The following SDK1 variants were observed in gnomAD, a reference collection of about 807,000 sequenced individuals.
SDK1 encodes sidekick cell adhesion molecule 1, also known as protein sidekick-1.
A neutral mutation model predicts 245.5 loss-of-function variants in SDK1; 157 were observed. That is an observed-to-expected ratio of 0.64 (90% CI 0.56 to 0.73). SDK1 has a LOEUF of 0.73. Among genes scored for constraint, SDK1 ranks in the 30% least tolerant of loss-of-function variants. The pLI is 0.00. For synonymous variants in SDK1, 1,647 were observed against 1,278.5 expected (o/e 1.29, Z -6.15); for missense variants, 3,583 against 3,002.3 (o/e 1.19, Z -4.52).
At chr7:3,872,050 C>A (rs1780969249) in intron 5 of SDK1, among the ~76,000 whole-genome samples, 1 of 141,070 alleles carries the variant, frequency 7.1e-6, no homozygotes, top group African/African-American at 2.9e-5. Context: ...TTGAGATGAT[C>A]ATTTGTTTTG....
intron 32 of SDK1, among the ~76,000 whole-genome samples, chr7:4,167,563 A>C (rs955852603): frequency 3.9e-5 from 6 of 152,198 alleles, no homozygotes; most frequent in African/African-American, 1.4e-4. Context: ...ACAGATGGCC[A>C]AGCCAGGGTG....
At position 4,213,510 on chromosome 7, in the gene SDK1, G is replaced by A. The variant is rs1356124973; in HGVS notation, c.5539+3348G>A. Among the ~76,000 whole-genome samples, 11 of 152,048 alleles carry A rather than the reference G, an allele frequency of 7.2e-5. No homozygotes were observed. The South Asian group carries it at 1.2e-3, about 17-fold the overall frequency. On this transcript the variant is annotated intron_variant, in intron 38 of 44. Coordinates refer to ENST00000404826, the MANE Select transcript of SDK1 (RefSeq NM_152744.4). ...TGAGGCAGGAGAATGGGTTGAACCCGGGAGGTGGAGGCTGCAGTGAGCTGA... is the reference window on the plus strand; with the variant it reads ...TGAGGCAGGAGAATGGGTTGAACCCAGGAGGTGGAGGCTGCAGTGAGCTGA...
At chr7:3,393,583 A>T (rs948413094) in intron 1 of SDK1, among the ~76,000 whole-genome samples, 10 of 152,230 alleles carry the variant, frequency 6.6e-5, no homozygotes, top group African/African-American at 2.4e-4. Flanking sequence ...CGCAGATCAG[A>T]ATACTACGTA....
At chr7:3,840,779 G>A (rs1235222757) in intron 5 of SDK1, among the ~76,000 whole-genome samples, 2 of 152,200 alleles carry the variant, frequency 1.3e-5, no homozygotes, top group Non-Finnish European at 2.9e-5. Flanking sequence ...AGAATCGCGA[G>A]CCTCGCCTGA....
intron 17 of SDK1, among the ~76,000 whole-genome samples, chr7:4,033,688 C>T (rs1413281638): frequency 6.6e-6 from 1 of 152,034 alleles, no homozygotes. Context: ...GCAAATGGCC[C>T]ATAACCACAG....
chr7:4,254,626 CCTT>C (rs1243558799), intron 44 of SDK1, among the ~76,000 whole-genome samples: 3 of 151,080 alleles, frequency 2.0e-5, no homozygotes, highest in Non-Finnish European at 4.4e-5. Context: ...TCAGAAGCTA[CCTT>C]CTTTTTTTTT....
chr7:3,970,606 A>G (rs972773641), intron 11 of SDK1, among the ~76,000 whole-genome samples: 1 of 152,224 alleles, frequency 6.6e-6, no homozygotes, highest in African/African-American at 2.4e-5. Context: ...ATCTCTGTAG[A>G]TCATTCGCCA....
chr7:3,712,769 A>G (rs1174320974), intron 4 of SDK1, among the ~76,000 whole-genome samples: 1 of 152,268 alleles, frequency 6.6e-6, no homozygotes, highest in Admixed American at 6.5e-5. Context: ...AAAGAAGTTC[A>G]TTCTGAGGAA....
intron 1 of SDK1, among the ~76,000 whole-genome samples, chr7:3,508,062 T>C (rs548851599): frequency 4.8e-4 from 73 of 152,320 alleles, no homozygotes; most frequent in Non-Finnish European, 9.6e-4. Flanking sequence ...TCTGTCTGGC[T>C]TCTGTTTCTC....
At chr7:3,550,864 T>A (rs1779380642) in intron 1 of SDK1, among the ~76,000 whole-genome samples, 1 of 152,222 alleles carries the variant, frequency 6.6e-6, no homozygotes, top group South Asian at 2.1e-4. Flanking sequence ...ATTAGGGTTT[T>A]GTAATTTTTA....
At chr7:3,564,978 A>G (rs1779864888) in intron 1 of SDK1, among the ~76,000 whole-genome samples, 3 of 152,038 alleles carry the variant, frequency 2.0e-5, no homozygotes, top group Non-Finnish European at 4.4e-5. Flanking sequence ...AGAAGGAGAT[A>G]TAATATAGGG....
intron 1 of SDK1, among the ~76,000 whole-genome samples, chr7:3,437,552 G>C (rs1304751245): frequency 6.6e-6 from 1 of 152,070 alleles, no homozygotes; most frequent in African/African-American, 2.4e-5. Context: ...TGGGAAGATT[G>C]CTTGAGGTCA....
chr7:3,576,111 A>T (rs1780281183), intron 1 of SDK1, among the ~76,000 whole-genome samples: 1 of 152,292 alleles, frequency 6.6e-6, no homozygotes, highest in East Asian at 1.9e-4. Context: ...TGTAATTAGA[A>T]AAAGCAACAT....
chr7:4,145,738 C>T lies in SDK1; in HGVS notation c.4245C>T (p.Tyr1415=), dbSNP rs765099616. 47 of 1,608,052 alleles carry T rather than the reference C, an allele frequency of 2.9e-5. 1 individual carries two copies. The highest frequency in any genetic ancestry group is 3.7e-5 in the Non-Finnish European group (44 of 1,177,380). Residue 1415 remains tyrosine (Y), a synonymous_variant, in exon 29 of 45, where the codon TAC becomes TAT. Transcript: ENST00000404826. Reference sequence around the variant, plus strand: ...TGCCTGCAGGGTACCAGATTGCCTACCGCCTGGCCAGCAGCAGCCCCCACA... The same window carrying T: ...TGCCTGCAGGGTACCAGATTGCCTATCGCCTGGCCAGCAGCAGCCCCCACA... ...NGIILGYQIA[Y]RLASSSPHTF...
In SDK1 at chr7:4,214,135, C is replaced by T. The variant is rs922655817; in HGVS notation, c.5539+3973C>T. On this transcript the variant is annotated intron_variant, in intron 38 of 44. Coordinates refer to ENST00000404826, the MANE Select transcript of SDK1 (RefSeq NM_152744.4). ...AAGGCCTGCGTTTTGAAAATAATGA[C>T]GAGGGTTGGGATTTGAACCCAGGTG... is the stretch of plus-strand genomic sequence containing the variant. Among the ~76,000 whole-genome samples, 3 of 152,060 alleles carry T rather than the reference C, an allele frequency of 2.0e-5. No homozygotes were observed. The East Asian group carries it at 5.8e-4, about 29-fold the overall frequency.
At chr7:3,726,822 A>T (rs1038928679) in intron 4 of SDK1, among the ~76,000 whole-genome samples, 1 of 152,012 alleles carries the variant, frequency 6.6e-6, no homozygotes. Context: ...TGTTCTACCA[A>T]CTCCCCCAAC....
intron 4 of SDK1, among the ~76,000 whole-genome samples, chr7:3,762,186 C>T (rs1267891139): frequency 6.6e-6 from 1 of 152,182 alleles, no homozygotes; most frequent in Non-Finnish European, 1.5e-5. Context: ...ATCCTTTCAG[C>T]TTAGATCCGT....
chr7:3,939,786 C>G lies in SDK1; in HGVS notation c.848-11137C>G, dbSNP rs1461371815. The stretch of plus-strand genomic sequence containing the variant: ...CCTTGGTGGAAAGAGATCCGACACA[C>G]CTGTTGCTCTGAGATGCTTTTGCAG... On this transcript the variant is annotated intron_variant, in intron 5 of 44. Coordinates refer to ENST00000404826, the MANE Select transcript of SDK1 (RefSeq NM_152744.4). 2.0e-5 allele frequency among the ~76,000 whole-genome samples: 3 copies of G among 152,250 alleles called. No homozygotes were observed. The East Asian group carries it at 5.8e-4, about 29-fold the overall frequency.
intron 5 of SDK1, among the ~76,000 whole-genome samples, chr7:3,886,109 G>A (rs1369475071): frequency 2.0e-5 from 3 of 152,222 alleles, no homozygotes; most frequent in Non-Finnish European, 4.4e-5. Flanking sequence ...AGCCCCTCAG[G>A]AACAAAGGGA....
Sources: allele counts gnomAD v4.1 joint callset (sites outside exome capture counted in the v4.1 genomes callset), GRCh38; gene constraint gnomAD v4.1.1; transcripts MANE v1.5; gene names NCBI Gene and HGNC (gene_info 2026-07-23, HGNC 2026-07-21).